Variants in MCM3 observed in about 807,000 individuals in gnomAD.
MCM3 encodes the protein DNA replication licensing factor MCM3.
Under a neutral mutation model 91.3 loss-of-function variants are expected in MCM3, and 59 were observed. That is an observed-to-expected ratio of 0.65 (90% confidence interval 0.52 to 0.80). The LOEUF (loss-of-function observed/expected upper bound fraction) is 0.80, where lower values mean the gene tolerates loss of function less well. Among genes scored for constraint, MCM3 ranks in the 30% least tolerant of loss-of-function variants. The probability of loss-of-function intolerance (pLI) is 0.00; values close to 1 mark genes in which losing one functional copy is unlikely to be tolerated. For missense variants in MCM3, 919 were observed against 1,035.4 expected, an observed-to-expected ratio of 0.89 and a Z score of 1.54; for synonymous variants, 383 against 379.6, an observed-to-expected ratio of 1.01 and a Z score of -0.10.
chr6:52,269,403 T>C (rs1402640995), intron 12 of MCM3, among the ~76,000 whole-genome samples, 177 bp from the exon 13 acceptor site: 1 of 152,026 alleles, frequency 6.6e-6, no homozygotes, highest in African/African-American at 2.4e-5. Flanking sequence ...ATAGCAATGA[T>C]CAAGGAAATA....
At chr6:52,275,156 T>C (rs1562386254) in intron 9 of MCM3, among the ~76,000 whole-genome samples, 1 of 152,004 alleles carries the variant, frequency 6.6e-6, no homozygotes, top group East Asian at 1.9e-4. Flanking sequence ...TACCAAGAGC[T>C]CCAACTCAAG....
Position 52,269,235 on chromosome 6 carries a change from G to C in MCM3, c.1828-9C>G, listed in dbSNP as rs987935412. The C allele has an allele frequency of 6.2e-7, 1 of 1,602,936 alleles. No individual in the cohort carries two copies. ...GCTGTAACTGGAGATGTCTAGGGAA[G>C]AAAAGGGAGGATTGCTTATCCCAAG... is the stretch of plus-strand genomic sequence containing the variant. On this transcript the variant is annotated splice_polypyrimidine_tract_variant and intron_variant, in intron 12 of 16. Coordinates refer to ENST00000596288, the MANE Select transcript of MCM3 (RefSeq NM_002388.6).
chr6:52,279,617 G>C lies in MCM3; in HGVS notation c.532-18C>G. On this transcript the variant is annotated intron_variant, in intron 4 of 16. Coordinates refer to ENST00000596288, the MANE Select transcript of MCM3 (RefSeq NM_002388.6). Reference sequence around the variant, plus strand: ...TCCTCATCCTAGAAAAAGGCACACAGAGGGACAGAGTGATCTCCGTCCTGT... The same window carrying C: ...TCCTCATCCTAGAAAAAGGCACACACAGGGACAGAGTGATCTCCGTCCTGT... 4 of 1,572,072 alleles carry C rather than the reference G, an allele frequency of 2.5e-6. No individual in the cohort carries two copies. Among genetic ancestry groups the C allele is most frequent in the Non-Finnish European group, 3.5e-6 (4 of 1,144,796 alleles).
chr6:52,265,316 G>A, intron 16 of MCM3: 1 of 431,704 alleles, frequency 2.3e-6, no homozygotes, highest in Non-Finnish European at 4.7e-6. Flanking sequence ...CTTTTGGGAG[G>A]CTCAGGTAGA....
intron 15 of MCM3, 59 bp downstream of exon 15, chr6:52,266,552 C>G (rs1764657036): frequency 6.8e-7 from 1 of 1,478,188 alleles, no homozygotes; most frequent in African/African-American, 1.4e-5. Flanking sequence ...CACAGAGCAA[C>G]TGGAAAAGTC....
intron 14 of MCM3, among the ~76,000 whole-genome samples, chr6:52,267,557 T>C (rs547370496): frequency 4.7e-5 from 7 of 148,986 alleles, no homozygotes; most frequent in Admixed American, 1.3e-4. Context: ...AGATGGGATC[T>C]CTCTCTGTCG....
chr6:52,275,679 T>G (rs1765493104), intron 9 of MCM3, among the ~76,000 whole-genome samples: 1 of 152,112 alleles, frequency 6.6e-6, no homozygotes, highest in Non-Finnish European at 1.5e-5. Flanking sequence ...TAAATACCCA[T>G]CAGATGGAGA....
chr6:52,278,297 A>G (rs1765770323), intron 6 of MCM3, among the ~76,000 whole-genome samples: 4 of 152,192 alleles, frequency 2.6e-5, no homozygotes, highest in Admixed American at 2.0e-4. Context: ...AAGAACATGT[A>G]CTGTGCTTGA....
Position 52,282,053 on chromosome 6 carries a change from G to A in MCM3, c.523C>T (p.Pro175Ser), listed in dbSNP as rs1301955028. Residue 175 changes from proline to serine, a missense_variant, in exon 4 of 17, where the codon CCT becomes TCT. This residue lies in a region of MCM3 where 401 missense variants were observed against 402.7 expected (regional missense o/e 1.00). Coordinates refer to ENST00000596288, the MANE Select transcript of MCM3 (RefSeq NM_002388.6). Reference protein sequence around the residue: ...LVAFPSSSVYPTKDEENNPLE... With the variant: ...LVAFPSSSVYSTKDEENNPLE... The stretch of plus-strand genomic sequence containing the variant: ...TGATTTATCCCCCTTACCTTGGTAG[G>A]ATAGACAGAGCTGGAGGGAAAGGCC... 6.2e-7 allele frequency: 1 copy of A among 1,614,066 alleles called. No homozygotes were observed. The highest frequency in any genetic ancestry group is 1.7e-5 in the Admixed American group (1 of 60,018).
chr6:52,283,771 G>A (rs749868808), intron 1 of MCM3, among the ~76,000 whole-genome samples: 6 of 152,334 alleles, frequency 3.9e-5, no homozygotes, highest in Non-Finnish European at 8.8e-5. Flanking sequence ...ACCTAGCAAT[G>A]TGAATGTTAA....
chr6:52,278,749 C>T lies in MCM3; in HGVS notation c.872G>A (p.Arg291Gln), dbSNP rs1403629055. ...IAKIKKFSKT[R>Q]SKDIFDQLAK... The stretch of plus-strand genomic sequence containing the variant: ...TCTAAAGGATGCCCAGACCTTGGAT[C>T]GGGTTTTACTGAACTTCTTGATCTT... Residue 291 changes from arginine (R) to glutamine (Q), a missense_variant, in exon 6 of 17, where the codon CGA becomes CAA. Physicochemically the swap from Arg to Gln is conservative, Grantham distance 43. Transcript: ENST00000596288. 1.2e-6 allele frequency: 2 copies of T among 1,610,554 alleles called. No homozygotes were observed. The highest frequency in any genetic ancestry group is 2.2e-5 in the East Asian group (1 of 44,828).
In MCM3 at chr6:52,264,514, C is replaced by G; in HGVS notation, c.*74G>C. Reference sequence around the variant, plus strand: ...ACTGTTAAGGGAGTAGAGGCAAAGACTTGGGTCAGGGAGAGGGTGGGAAAC... The same window carrying G: ...ACTGTTAAGGGAGTAGAGGCAAAGAGTTGGGTCAGGGAGAGGGTGGGAAAC... On this transcript the variant is annotated 3_prime_UTR_variant, in exon 17 of 17. Transcript: ENST00000596288. The G allele has an allele frequency of 6.5e-7, 1 of 1,529,340 alleles. No homozygotes were observed. Among genetic ancestry groups the G allele is most frequent in the East Asian group, 2.3e-5 (1 of 44,376 alleles). 94.7% of individuals were successfully genotyped at this position (1,529,340 alleles called of 1,614,324 possible). A position where few individuals can be genotyped will look rare whatever the true frequency, so the allele number is the denominator to read the frequency against.
chr6:52,266,907 C>G (rs1308957532), intron 14 of MCM3, among the ~76,000 whole-genome samples: 1 of 152,134 alleles, frequency 6.6e-6, no homozygotes, highest in Non-Finnish European at 1.5e-5. Context: ...TCCCAACGCT[C>G]TTTTCCACAT....
rs1420752669 is a variant in MCM3 at position 52,268,937 on chromosome 6, G to T, written c.1968+149C>A. ...TTGAGAATCACTGAGTGTTTCAGAG[G>T]AAAGAGTGAGGCAGACTGATGACTG... On this transcript the variant is annotated intron_variant, in intron 13 of 16. Transcript: ENST00000596288. The T allele has an allele frequency of 1.6e-5, 13 of 790,050 alleles. 1 individual carries two copies. Among genetic ancestry groups the T allele is most frequent in the Non-Finnish European group, 2.6e-5 (13 of 507,606 alleles). The allele number at this position is 790,050 out of a possible 1,614,324, so 48.9% of individuals were successfully genotyped here.
intron 12 of MCM3, 131 bp from the exon 13 acceptor site, chr6:52,269,357 G>T: frequency 1.4e-6 from 1 of 730,144 alleles, no homozygotes. Flanking sequence ...AGAGTTCTGT[G>T]TTCTCTACAG....
intron 4 of MCM3, among the ~76,000 whole-genome samples, chr6:52,280,497 T>C (rs1272201489): frequency 6.6e-6 from 1 of 152,172 alleles, no homozygotes; most frequent in East Asian, 1.9e-4. Flanking sequence ...ACCAGGAGAC[T>C]AGGAGAGATT....
Position 52,284,664 on chromosome 6 carries a change from G to A in MCM3, c.11C>T (p.Thr4Ile). 2 of 1,587,884 alleles carry A rather than the reference G, an allele frequency of 1.3e-6. No homozygotes were observed. Among genetic ancestry groups the A allele is most frequent in the Non-Finnish European group, 1.7e-6 (2 of 1,167,364 alleles). ...CAGCTCCACATCGTCCAGCACCACG[G>A]TACCCGCCATGCCCGCTGCCAAAGA... Reference protein sequence around the residue: MAGTVVLDDVELRE... With the variant: MAGIVVLDDVELRE... The change falls in exon 1 of 17, where the codon ACC becomes ATC. Residue 4 changes from threonine (T) to isoleucine (I), a missense_variant. Physicochemically the swap from Thr to Ile is moderately conservative, Grantham distance 89 (BLOSUM62 -1). Around this residue, in one of 3 missense-constraint regions of MCM3, gnomAD observed 401 missense variants for 402.7 expected, o/e 1.00. Transcript: ENST00000596288.
At position 52,279,693 on chromosome 6, in the gene MCM3, A is replaced by T. The variant is rs17239915; in HGVS notation, c.532-94T>A. The stretch of plus-strand genomic sequence containing the variant: ...ATGGCAAATAAGATGACTTCATAAA[A>T]TTTTATTATTCAGTAACAAAAAAAG... On this transcript the variant is annotated intron_variant, in intron 4 of 16. Coordinates refer to ENST00000596288, the MANE Select transcript of MCM3 (RefSeq NM_002388.6). 1,430 of 962,056 alleles carry T rather than the reference A, an allele frequency of 1.5e-3. 11 individuals carry two copies. In the African/African-American group the frequency reaches 0.021, roughly 14 times the overall value. The allele number at this position is 962,056 out of a possible 1,614,324, so 59.6% of individuals were successfully genotyped here. A position where few individuals can be genotyped will look rare whatever the true frequency, so the allele number is the denominator to read the frequency against.
chr6:52,277,779 T>G, intron 6 of MCM3, 91 bp from the exon 7 acceptor site: 2 of 1,244,976 alleles, frequency 1.6e-6, no homozygotes, highest in Admixed American at 4.2e-5. Flanking sequence ...TAGAAAATAC[T>G]TGAAGAGGGC....
Sources: allele counts gnomAD v4.1 joint callset (sites outside exome capture counted in the v4.1 genomes callset), GRCh38; gene constraint gnomAD v4.1.1; regional missense constraint gnomAD v4.1.1; transcripts MANE v1.5; gene names NCBI Gene and HGNC (gene_info 2026-07-23, HGNC 2026-07-21).